DPP6: variants seen among roughly 807,000 people sequenced by gnomAD.
DPP6 encodes A-type potassium channel modulatory protein DPP6.
Under a neutral mutation model 122.6 loss-of-function variants are expected in DPP6, and 69 were observed. That is an observed-to-expected ratio of 0.56 (90% CI 0.46 to 0.69). The LOEUF is 0.69. DPP6 is among the 30% of genes least tolerant of loss of function. The pLI is 0.00. For synonymous variants in DPP6, 418 were observed against 433.1 expected (o/e 0.97, Z 0.43); for missense variants, 928 against 1,116.9 (o/e 0.83, Z 2.41).
intron 1 of DPP6, among the ~76,000 whole-genome samples, chr7:153,980,188 G>C (rs774923307): frequency 6.6e-6 from 1 of 152,044 alleles, no homozygotes; most frequent in African/African-American, 2.4e-5. Flanking sequence ...CTTTTTTTTG[G>C]TTGGTAGGCT....
At chr7:154,715,212 A>G in intron 7 of DPP6, among the ~76,000 whole-genome samples, 1 of 152,072 alleles carries the variant, frequency 6.6e-6, no homozygotes, top group East Asian at 1.9e-4. Flanking sequence ...GATTACAGGC[A>G]CCTGCCACCA....
At chr7:154,074,027 G>C (rs529600869) in intron 1 of DPP6, among the ~76,000 whole-genome samples, 3 of 130,156 alleles carry the variant, frequency 2.3e-5, no homozygotes, top group East Asian at 2.0e-4. Flanking sequence ...ATGTATGTAT[G>C]TATGTATGTA....
intron 1 of DPP6, among the ~76,000 whole-genome samples, chr7:154,102,477 C>T (rs1805817033): frequency 6.6e-6 from 1 of 152,216 alleles, no homozygotes; most frequent in South Asian, 2.1e-4. Flanking sequence ...GCATGAGCCA[C>T]TGTGCCCAGC....
intron 1 of DPP6, among the ~76,000 whole-genome samples, chr7:154,029,832 C>T (rs139082232): frequency 3.4e-5 from 5 of 147,022 alleles, no homozygotes; most frequent in African/African-American, 7.6e-5. Flanking sequence ...GGTGACAGAG[C>T]GAAACTCCAT....
chr7:154,800,518 C>A (rs1563224524), intron 12 of DPP6, among the ~76,000 whole-genome samples: 1 of 152,242 alleles, frequency 6.6e-6, no homozygotes, highest in Non-Finnish European at 1.5e-5. Context: ...ATCAAAGCAA[C>A]AGCCACCCTG....
At chr7:154,151,320 C>T (rs752727226) in intron 1 of DPP6, among the ~76,000 whole-genome samples, 3 of 152,186 alleles carry the variant, frequency 2.0e-5, no homozygotes, top group African/African-American at 7.2e-5. Context: ...CTCTGAGCTG[C>T]GGGCTTTCTG....
intron 10 of DPP6, among the ~76,000 whole-genome samples, chr7:154,776,675 AT>A (rs2150391383): frequency 6.6e-6 from 1 of 152,258 alleles, no homozygotes; most frequent in South Asian, 2.1e-4. Flanking sequence ...GTAAAATCTT[AT>A]TTGCATGGGA....
intron 1 of DPP6, among the ~76,000 whole-genome samples, chr7:154,104,245 A>G (rs1017396236): frequency 7.9e-5 from 12 of 152,324 alleles, no homozygotes; most frequent in African/African-American, 2.9e-4. Context: ...TTGGAAATGC[A>G]GCTGCCCCGG....
chr7:154,311,078 C>T (rs569828964), intron 1 of DPP6, among the ~76,000 whole-genome samples: 4 of 152,196 alleles, frequency 2.6e-5, no homozygotes, highest in East Asian at 3.9e-4. Context: ...TGTAAAAGAT[C>T]GGACAGGTAG....
At chr7:154,227,793 T>TGTCATGATCAGAGGGA (rs1800699369) in intron 1 of DPP6, among the ~76,000 whole-genome samples, 2 of 152,130 alleles carry the variant, frequency 1.3e-5, no homozygotes, top group Non-Finnish European at 2.9e-5. Flanking sequence ...TGCCAGACAC[T>TGTCATGATCAGAGGGA]GTCATGATCA....
intron 5 of DPP6, among the ~76,000 whole-genome samples, chr7:154,592,026 G>A (rs1015072737): frequency 2.0e-5 from 3 of 152,334 alleles, no homozygotes; most frequent in South Asian, 2.1e-4. Flanking sequence ...GTAGGAAGAC[G>A]GGAATCTAGT....
chr7:154,860,976 A>AGAT (rs10531726), intron 17 of DPP6, among the ~76,000 whole-genome samples: 1 of 151,928 alleles, frequency 6.6e-6, no homozygotes, highest in Non-Finnish European at 1.5e-5. Flanking sequence ...AAATGTAAAA[A>AGAT]GATGATGAAG....
Position 154,479,579 on chromosome 7 carries a change from AG to A in DPP6, c.457+4543del, listed in dbSNP as rs1203266556. 1.3e-4 allele frequency among the ~76,000 whole-genome samples: 13 copies of A among 98,164 alleles called. No individual in the cohort carries two copies. The South Asian group carries it at 1.7e-3, about 13-fold the overall frequency. The allele number at this position is 98,164 out of a possible 152,430, so 64.4% of individuals were successfully genotyped here. A position where few individuals can be genotyped will look rare whatever the true frequency, so the allele number is the denominator to read the frequency against. On this transcript the variant is annotated intron_variant, in intron 3 of 25. Coordinates refer to ENST00000377770, the MANE Select transcript of DPP6 (RefSeq NM_130797.4). ...TCTCAAAAAAAAAAAAAAAAAGAAA[AG>A]AAAAGAAAAAGAAAAGGCTCACTCT...
At chr7:154,266,683 C>A (rs1224412129) in intron 1 of DPP6, among the ~76,000 whole-genome samples, 1 of 152,174 alleles carries the variant, frequency 6.6e-6, no homozygotes, top group East Asian at 1.9e-4. Context: ...GGTTTTATCA[C>A]ATAAGTTCAT....
intron 1 of DPP6, among the ~76,000 whole-genome samples, chr7:154,225,574 G>GAA (rs141332302): frequency 6.6e-6 from 1 of 151,174 alleles, no homozygotes; most frequent in African/African-American, 2.4e-5. Flanking sequence ...AAAAAAATGA[G>GAA]AAAAAAAAAT....
At chr7:153,880,437 G>A in the DPP6 span, among the ~76,000 whole-genome samples, 1 of 152,174 alleles carries the variant, frequency 6.6e-6, no homozygotes, top group Admixed American at 6.5e-5. Flanking sequence ...ATGTATAAAA[G>A]AGCCCAACAA....
chr7:154,794,196 C>A lies in DPP6; in HGVS notation c.1254C>A (p.Cys418Ter). ...LTLCDATTGV[C>*]TKKHEDESEA... The stretch of plus-strand genomic sequence containing the variant: ...TCTGCGACGCCACCACGGGGGTCTG[C>A]ACGAAGGTACGCGGGGCTGTGGGGG... Residue 418 changes from cysteine (C) to a stop codon, truncating the protein, a stop_gained, in exon 11 of 26, where the codon TGC (cysteine) becomes TGA (stop). Coordinates refer to ENST00000377770, the MANE Select transcript of DPP6 (RefSeq NM_130797.4). LOFTEE classifies it high-confidence loss of function. 6.2e-7 allele frequency: 1 copy of A among 1,608,172 alleles called. No individual in the cohort carries two copies. Among genetic ancestry groups the A allele is most frequent in the Non-Finnish European group, 8.5e-7 (1 of 1,176,832 alleles).
the DPP6 span, among the ~76,000 whole-genome samples, chr7:153,785,153 C>A: frequency 6.6e-6 from 1 of 152,080 alleles, no homozygotes; most frequent in Admixed American, 6.6e-5. Context: ...AACTTAGATC[C>A]TCAGGAGGGA....
At chr7:154,660,500 A>C (rs1837575775) in intron 6 of DPP6, among the ~76,000 whole-genome samples, 1 of 148,962 alleles carries the variant, frequency 6.7e-6, no homozygotes, top group African/African-American at 2.6e-5. Flanking sequence ...CGTAGTGTTC[A>C]TATAGTCATG....
Sources: allele counts gnomAD v4.1 joint callset (sites outside exome capture counted in the v4.1 genomes callset), GRCh38; gene constraint gnomAD v4.1.1; transcripts MANE v1.5; gene names NCBI Gene and HGNC (gene_info 2026-07-23, HGNC 2026-07-21).